CDH4: variants seen among roughly 807,000 people sequenced by gnomAD.
CDH4 encodes cadherin 4, also known as cadherin-4.
CDH4 carries 33 observed loss-of-function variants against 86.0 expected under a neutral mutation model. That is an observed-to-expected ratio of 0.38 (90% CI 0.29 to 0.51). The LOEUF (loss-of-function observed/expected upper bound fraction) is 0.51. Ranked by LOEUF, CDH4 falls within the 20% of genes least tolerant of loss-of-function variation. The pLI, the probability that CDH4 is intolerant of heterozygous loss-of-function variation, is 0.86. For missense variants in CDH4, 1,114 were observed against 1,307.4 expected (o/e 0.85, Z 2.28); for synonymous variants, 555 against 549.4 (o/e 1.01, Z -0.14).
chr20:61,386,632 T>C (rs1392866062), intron 2 of CDH4, among the ~76,000 whole-genome samples: 2 of 152,192 alleles, frequency 1.3e-5, no homozygotes, highest in Non-Finnish European at 2.9e-5. Context: ...GAACTGCACA[T>C]GGATTCTTTT....
intron 2 of CDH4, among the ~76,000 whole-genome samples, chr20:61,513,551 G>A (rs149915378): frequency 1.6e-3 from 242 of 152,314 alleles, no homozygotes; most frequent in African/African-American, 4.4e-3. Context: ...GGAGGAAGCC[G>A]GGCCCAGAAT....
intron 2 of CDH4, among the ~76,000 whole-genome samples, chr20:61,320,989 G>C (rs1441775712): frequency 6.6e-6 from 1 of 152,108 alleles, no homozygotes; most frequent in East Asian, 1.9e-4. Flanking sequence ...CTCTCCTCCA[G>C]GCTGGCTCTG....
chr20:61,436,367 C>T (rs567781096), intron 2 of CDH4: 1 of 152,388 alleles, frequency 6.6e-6, no homozygotes, highest in South Asian at 2.1e-4. Context: ...AAAGACTACC[C>T]CCACTTCAGA....
At chr20:61,551,783 A>G (rs887448529) in intron 2 of CDH4, among the ~76,000 whole-genome samples, 8 of 152,268 alleles carry the variant, frequency 5.3e-5, no homozygotes, top group African/African-American at 1.7e-4. Context: ...AAGGATAGAC[A>G]TATAGACCAA....
At position 61,487,479 on chromosome 20, in the gene CDH4, G is replaced by T. The variant is rs542778157; in HGVS notation, c.169+232542G>T. Among the ~76,000 whole-genome samples, 5 of 152,152 alleles carry T rather than the reference G, an allele frequency of 3.3e-5. No individual in the cohort carries two copies. In the South Asian group the frequency reaches 1.0e-3, roughly 32 times the overall value. On this transcript the variant is annotated intron_variant, in intron 2 of 15. Transcript: ENST00000614565. The stretch of plus-strand genomic sequence containing the variant: ...CTCCATTCATTCTAATAAGTACCAT[G>T]AGCTTCAGCCTCTGAATACATGAGA...
At chr20:61,536,033 T>C (rs1018529951) in intron 2 of CDH4, among the ~76,000 whole-genome samples, 2 of 152,066 alleles carry the variant, frequency 1.3e-5, no homozygotes, top group African/African-American at 2.4e-5. Context: ...GCACTTCTTA[T>C]GGCATTAGGA....
At chr20:61,572,489 G>A (rs2154030) in intron 2 of CDH4, among the ~76,000 whole-genome samples, 100,531 of 151,830 alleles carry the variant, frequency 0.66, 34,233 homozygotes, top group East Asian at 0.8. Flanking sequence ...CGGCTGGGGT[G>A]AGCCTCTGCC....
At chr20:61,328,004 G>A (rs2084545729) in intron 2 of CDH4, among the ~76,000 whole-genome samples, 1 of 152,148 alleles carries the variant, frequency 6.6e-6, no homozygotes, top group African/African-American at 2.4e-5. Flanking sequence ...GAGATGGACT[G>A]TATGTTTGAT....
intron 2 of CDH4, among the ~76,000 whole-genome samples, chr20:61,421,565 G>A (rs2085177981): frequency 6.6e-6 from 1 of 152,174 alleles, no homozygotes; most frequent in Admixed American, 6.5e-5. Flanking sequence ...CTTCTGGGGT[G>A]CAGCTTGCAC....
At chr20:61,561,927 A>G (rs1042717665) in intron 2 of CDH4, among the ~76,000 whole-genome samples, 2 of 152,234 alleles carry the variant, frequency 1.3e-5, no homozygotes, top group African/African-American at 2.4e-5. Context: ...ATATGATGGC[A>G]GTAATGCTGT....
chr20:61,463,575 C>T (rs2145561273), intron 2 of CDH4, among the ~76,000 whole-genome samples: 1 of 152,332 alleles, frequency 6.6e-6, no homozygotes, highest in South Asian at 2.1e-4. Flanking sequence ...CCCAATCAGT[C>T]AGGAGTGAAG....
Position 61,269,896 on chromosome 20 carries a change from G to A in CDH4, c.169+14959G>A, listed in dbSNP as rs2084175076. Among the ~76,000 whole-genome samples, 1 of 152,168 alleles carries A rather than the reference G, an allele frequency of 6.6e-6. No individual in the cohort carries two copies. Among genetic ancestry groups the A allele is most frequent in the African/African-American group, 2.4e-5 (1 of 41,428 alleles). On this transcript the variant is annotated intron_variant, in intron 2 of 15. Coordinates refer to ENST00000614565, the MANE Select transcript of CDH4 (RefSeq NM_001794.5). This position sits in a 1 kb window ranked among gnomAD's most constrained non-coding sequence, Gnocchi z 5.3. The stretch of plus-strand genomic sequence containing the variant: ...TCATTTCCACATGGCCCCGGCTGTT[G>A]ACGATGACCTTAAGCTCCCCTGACC...
At chr20:61,817,976 C>G (rs777358971) in intron 4 of CDH4, among the ~76,000 whole-genome samples, 15 of 152,204 alleles carry the variant, frequency 9.9e-5, no homozygotes, top group East Asian at 3.9e-4. Context: ...CAGATGAAAA[C>G]AGCCTCACAC....
At chr20:61,538,424 G>A (rs1239985924) in intron 2 of CDH4, among the ~76,000 whole-genome samples, 1 of 152,026 alleles carries the variant, frequency 6.6e-6, no homozygotes, top group Non-Finnish European at 1.5e-5. Flanking sequence ...ACAAAGGACA[G>A]AACTAATATC....
chr20:61,833,381 C>T (rs1981715463), intron 4 of CDH4, among the ~76,000 whole-genome samples: 1 of 152,142 alleles, frequency 6.6e-6, no homozygotes, highest in Admixed American at 6.5e-5. Context: ...TTGCAGAGCA[C>T]TTTCTGTGTG....
In CDH4 at chr20:61,325,428, A is replaced by AT. The variant is rs367752217; in HGVS notation, c.169+70500dup. ...AGATAGTAGGGCCTTGAAATTTCTC[A>AT]TTTTTTTTTCTGATAAAGGGCAAAA... On this transcript the variant is annotated intron_variant, in intron 2 of 15. Transcript: ENST00000614565. 2.1e-3 allele frequency among the ~76,000 whole-genome samples: 309 copies of AT among 150,372 alleles called. 1 individual carries two copies. The highest frequency in any genetic ancestry group is 6.9e-3 in the African/African-American group (283 of 40,962).
In CDH4 at chr20:61,708,831, T is replaced by C. The variant is rs572918633; in HGVS notation, c.170-34732T>C. ...TAGAGATGAGCACAGAAATCAATAG[T>C]GGGCATTGGCAGACGTGCAGAACAC... On this transcript the variant is annotated intron_variant, in intron 2 of 15. Coordinates refer to ENST00000614565, the MANE Select transcript of CDH4 (RefSeq NM_001794.5). This position sits in a 1 kb window ranked among gnomAD's most constrained non-coding sequence, Gnocchi z 4.5. Among the ~76,000 whole-genome samples, 1 of 152,364 alleles carries C rather than the reference T, an allele frequency of 6.6e-6. No homozygotes were observed. The highest frequency in any genetic ancestry group is 1.9e-4 in the East Asian group (1 of 5,170).
intron 2 of CDH4, among the ~76,000 whole-genome samples, chr20:61,542,844 C>T (rs2086050735): frequency 6.6e-6 from 1 of 152,184 alleles, no homozygotes; most frequent in African/African-American, 2.4e-5. Context: ...AAGGTGAAGT[C>T]CCTCAATAGG....
intron 6 of CDH4, among the ~76,000 whole-genome samples, chr20:61,857,458 C>T (rs556641892): frequency 3.5e-4 from 53 of 151,052 alleles, no homozygotes; most frequent in African/African-American, 1.2e-3. Flanking sequence ...GGGTTCCCTC[C>T]AAAAAAAAAC....
Sources: allele counts gnomAD v4.1 joint callset (sites outside exome capture counted in the v4.1 genomes callset), GRCh38; gene constraint gnomAD v4.1.1; non-coding constraint Gnocchi (gnomAD v3.1); transcripts MANE v1.5; gene names NCBI Gene and HGNC (gene_info 2026-07-23, HGNC 2026-07-21).